Variants in PSMG2 observed in about 807,000 individuals in gnomAD.
PSMG2 encodes the protein CD40 ligand-activated specific transcript 3.
A neutral mutation model predicts 31.5 loss-of-function variants in PSMG2; 21 were observed. The observed-to-expected ratio is 0.67, with a 90% CI of 0.47 to 0.96. PSMG2 has a LOEUF of 0.96. Among genes scored for constraint, PSMG2 ranks in the 40% least tolerant of loss-of-function variants. The pLI is 0.00. For missense variants in PSMG2, 318 were observed against 321.2 expected (o/e 0.99, Z 0.08); for synonymous variants, 120 against 110.4 (o/e 1.09, Z -0.54).
chr18:12,718,718 C>T (rs2040401573), intron 4 of PSMG2, 83 bp downstream of exon 4: 3 of 971,232 alleles, frequency 3.1e-6, no homozygotes, highest in Non-Finnish European at 4.5e-6. Context: ...ACTTTAAAAG[C>T]CACGTAGATC....
intron 1 of PSMG2, among the ~76,000 whole-genome samples, chr18:12,694,435 T>C (rs1353607393): frequency 6.6e-6 from 1 of 152,076 alleles, no homozygotes; most frequent in Non-Finnish European, 1.5e-5. Context: ...GAACTAAACA[T>C]GGATGGCAAA....
intron 1 of PSMG2, chr18:12,674,441 TAAAA>T (rs34769779): frequency 3.9e-3 from 2,774 of 710,470 alleles, no homozygotes; most frequent in Middle Eastern, 5.3e-3. Flanking sequence ...GACCTTGAGT[TAAAA>T]AAAAAAAAAA....
intron 1 of PSMG2, among the ~76,000 whole-genome samples, chr18:12,662,897 G>A (rs144573026): frequency 8.5e-5 from 13 of 152,282 alleles, no homozygotes; most frequent in African/African-American, 2.9e-4. Flanking sequence ...CAATAATCAC[G>A]TTTCACCTAC....
At chr18:12,703,642 A>G (rs1023700557) in intron 1 of PSMG2, among the ~76,000 whole-genome samples, 3 of 152,212 alleles carry the variant, frequency 2.0e-5, no homozygotes, top group Admixed American at 6.5e-5. Flanking sequence ...ATGTGCGAGT[A>G]TTAGAATAAG....
upstream of PSMG2, chr18:12,698,756 C>T (rs2040048492): frequency 1.8e-6 from 1 of 541,840 alleles, no homozygotes; most frequent in Non-Finnish European, 3.3e-6. Flanking sequence ...ACTAAAGAAT[C>T]AACAATGAAA....
intron 1 of PSMG2, chr18:12,673,252 G>A (rs2038993117): frequency 4.9e-6 from 7 of 1,440,760 alleles, no homozygotes; most frequent in Non-Finnish European, 6.4e-6. Flanking sequence ...ATTGAAGTAT[G>A]CCATTCAAGC....
At chr18:12,683,669 T>C (rs925667139) in intron 1 of PSMG2, among the ~76,000 whole-genome samples, 1 of 151,474 alleles carries the variant, frequency 6.6e-6, no homozygotes, top group African/African-American at 2.4e-5. Context: ...GAGAATCGCT[T>C]GAACCCAGGA....
rs1282430606 is a variant in PSMG2, at chr18:12,717,386, G to C, written c.289-1131G>C. On this transcript the variant is annotated intron_variant, in intron 3 of 6. Transcript: ENST00000317615. ...TCTTTGAAAAATTTTCATAAAGCGG[G>C]CTCCCCCTGAAATTTTATAACCCAC... Among the ~76,000 whole-genome samples, 8 of 152,196 alleles carry C rather than the reference G, an allele frequency of 5.3e-5. No homozygotes were observed. The East Asian group carries it at 1.4e-3, about 26-fold the overall frequency.
chr18:12,693,405 G>C (rs2039836005), intron 1 of PSMG2, among the ~76,000 whole-genome samples: 1 of 151,722 alleles, frequency 6.6e-6, no homozygotes, highest in African/African-American at 2.4e-5. Flanking sequence ...GCCTGAGAGA[G>C]TGAGATGCTG....
In PSMG2 at chr18:12,706,690, A is replaced by T; in HGVS notation, c.198A>T (p.Gly66=). Residue 66 remains glycine (G), a synonymous_variant, in exon 2 of 7, where the codon GGA becomes GGT. Coordinates refer to ENST00000317615, the MANE Select transcript of PSMG2 (RefSeq NM_020232.5). ...ACAATCCATATGCGACCACAGAAGG[A>T]AATTCAACAGAACTTAGCATAAATG... ...VGNNPYATTE[G]NSTELSINAE... 6.2e-7 allele frequency: 1 copy of T among 1,610,580 alleles called. No individual in the cohort carries two copies. The highest frequency in any genetic ancestry group is 1.1e-5 in the South Asian group (1 of 90,694).
At chr18:12,674,359 T>C (rs2039044425) in intron 1 of PSMG2, among the ~76,000 whole-genome samples, 1 of 151,126 alleles carries the variant, frequency 6.6e-6, no homozygotes, top group Non-Finnish European at 1.5e-5. Context: ...GAAGGGTCAC[T>C]TGGGCCCAGG....
chr18:12,679,964 G>A (rs1270332263), intron 1 of PSMG2, among the ~76,000 whole-genome samples: 1 of 151,648 alleles, frequency 6.6e-6, no homozygotes, highest in East Asian at 1.9e-4. Context: ...GCTGAGGTAG[G>A]AGGACCACCA....
At chr18:12,686,092 T>C in intron 1 of PSMG2, 1 of 503,714 alleles carries the variant, frequency 2.0e-6, no homozygotes, top group Non-Finnish European at 3.5e-6. Flanking sequence ...AATTTTTTAC[T>C]TTTGTAAGTA....
chr18:12,669,567 A>G (rs961166055), intron 1 of PSMG2, among the ~76,000 whole-genome samples: 4 of 152,164 alleles, frequency 2.6e-5, no homozygotes, highest in East Asian at 1.9e-4. Flanking sequence ...AAAACTACAT[A>G]TATATAATAT....
rs772552404 is a variant in PSMG2 at position 12,678,459 on chromosome 18, A to C, written c.-37+19686A>C. On this transcript the variant is annotated intron_variant, in intron 1 of 6. Transcript: ENST00000585331. The stretch of plus-strand genomic sequence containing the variant: ...TGGATGTACCTAAAAAAATTAAATA[A>C]TTTTATATATGAGAACTTAAAAATT... 2.6e-6 allele frequency: 4 copies of C among 1,513,982 alleles called. No homozygotes were observed. The South Asian group carries it at 5.1e-5, about 19-fold the overall frequency. The allele number at this position is 1,513,982 out of a possible 1,614,324, so 93.8% of individuals were successfully genotyped here.
intron 1 of PSMG2, chr18:12,672,913 C>CA (rs2038983875): frequency 1.0e-6 from 1 of 983,802 alleles, no homozygotes; most frequent in Non-Finnish European, 1.2e-6. Context: ...TTCACCAATG[C>CA]AATAAATAAA....
At chr18:12,662,069 A>G (rs2038702481) in intron 1 of PSMG2, 1 of 383,604 alleles carries the variant, frequency 2.6e-6, no homozygotes, top group Admixed American at 3.6e-5. Context: ...CTCTGGAGGT[A>G]CTGGCTGTGC....
intron 1 of PSMG2, among the ~76,000 whole-genome samples, chr18:12,703,784 CTTGTTAAGAAAGG>C (rs2040229101): frequency 6.6e-6 from 1 of 152,110 alleles, no homozygotes; most frequent in African/African-American, 2.4e-5. Context: ...GGACAGATGG[CTTGTTAAGAAAGG>C]CTTTATAGAG....
intron 1 of PSMG2, among the ~76,000 whole-genome samples, chr18:12,675,946 G>A (rs1020022627): frequency 6.6e-6 from 1 of 152,082 alleles, no homozygotes; most frequent in African/African-American, 2.4e-5. Context: ...TGGGATTACA[G>A]GCATAAGCCA....
Sources: allele counts gnomAD v4.1 joint callset (sites outside exome capture counted in the v4.1 genomes callset), GRCh38; gene constraint gnomAD v4.1.1; transcripts MANE v1.5; gene names NCBI Gene and HGNC (gene_info 2026-07-23, HGNC 2026-07-21).